CHST9: variants seen among roughly 807,000 people sequenced by gnomAD.
CHST9 encodes GalNAc-4-sulfotransferase 2.
In CHST9, 41 loss-of-function variants were observed where a neutral mutation model predicts 44.4. The ratio of observed to expected loss-of-function variants is 0.92; its 90% CI spans 0.72 to 1.20. The LOEUF (loss-of-function observed/expected upper bound fraction) is 1.20, where lower values mean the gene tolerates loss of function less well. CHST9 is among the 50% of genes most tolerant of loss of function. The pLI is 0.00. For missense variants in CHST9, 504 were observed against 516.5 expected, an observed-to-expected ratio of 0.98 and a Z score of 0.23; for synonymous variants, 171 against 178.4, an observed-to-expected ratio of 0.96 and a Z score of 0.33.
At chr18:27,053,285 GGA>G (rs2057608266) in intron 2 of CHST9, among the ~76,000 whole-genome samples, 1 of 135,252 alleles carries the variant, frequency 7.4e-6, no homozygotes. Flanking sequence ...AGAAGGAGAA[GGA>G]GAAGGAGAAG....
At chr18:27,182,881 G>T (rs1308842080) in intron 1 of CHST9, among the ~76,000 whole-genome samples, 1 of 152,074 alleles carries the variant, frequency 6.6e-6, no homozygotes, top group Non-Finnish European at 1.5e-5. Context: ...TATTTCTTAG[G>T]TTTACTGAAT....
At chr18:27,109,634 G>A (rs370802368) in intron 2 of CHST9, among the ~76,000 whole-genome samples, 1 of 152,208 alleles carries the variant, frequency 6.6e-6, no homozygotes, top group Non-Finnish European at 1.5e-5. Flanking sequence ...CGCACTGACT[G>A]CTCTAGTGCC....
At chr18:27,127,977 T>C (rs2058439602) in intron 2 of CHST9, among the ~76,000 whole-genome samples, 1 of 151,834 alleles carries the variant, frequency 6.6e-6, no homozygotes, top group Admixed American at 6.6e-5. Flanking sequence ...GTGTTTGGAG[T>C]GTCAAGGAGA....
intron 4 of CHST9, among the ~76,000 whole-genome samples, chr18:26,953,711 C>A (rs2056282947): frequency 6.6e-6 from 1 of 152,152 alleles, no homozygotes; most frequent in Non-Finnish European, 1.5e-5. Context: ...ACTGTTTGAT[C>A]AGCTGTCAGG....
intron 2 of CHST9, among the ~76,000 whole-genome samples, chr18:27,133,409 G>C (rs748734609): frequency 4.6e-5 from 7 of 152,108 alleles, no homozygotes; most frequent in Non-Finnish European, 7.4e-5. Flanking sequence ...AAAAGCAGGG[G>C]ACAGCACGTA....
intron 2 of CHST9, among the ~76,000 whole-genome samples, chr18:27,113,630 G>T (rs1012722842): frequency 2.6e-5 from 4 of 152,046 alleles, no homozygotes; most frequent in Admixed American, 2.6e-4. Context: ...ACCATGTAAA[G>T]ACACAGCAAG....
At chr18:27,033,599 C>T (rs2057362615) in intron 3 of CHST9, among the ~76,000 whole-genome samples, 1 of 152,202 alleles carries the variant, frequency 6.6e-6, no homozygotes, top group Non-Finnish European at 1.5e-5. Context: ...TGCTCACCAG[C>T]ATGACACACA....
intron 3 of CHST9, 27 bp downstream of exon 3, chr18:27,048,438 G>T: frequency 6.3e-7 from 1 of 1,577,388 alleles, no homozygotes; most frequent in Non-Finnish European, 8.6e-7. Flanking sequence ...AGGAAATAAA[G>T]CTGGAGCCCA....
At chr18:27,134,248 C>T (rs1210003760) in intron 2 of CHST9, among the ~76,000 whole-genome samples, 1 of 151,864 alleles carries the variant, frequency 6.6e-6, no homozygotes, top group Non-Finnish European at 1.5e-5. Flanking sequence ...CAAAAATATG[C>T]TTCAATGTAG....
At chr18:26,962,293 CTT>C (rs71171604) in intron 4 of CHST9, among the ~76,000 whole-genome samples, 14 of 140,690 alleles carry the variant, frequency 1.0e-4, no homozygotes, top group Non-Finnish European at 1.1e-4. Context: ...TTATAGTCTC[CTT>C]TTTTTTTTTT....
intron 4 of CHST9, among the ~76,000 whole-genome samples, chr18:26,996,749 G>A (rs963420129): frequency 6.6e-6 from 1 of 152,180 alleles, no homozygotes; most frequent in Non-Finnish European, 1.5e-5. Flanking sequence ...CAGTGTGCAT[G>A]TATGTGAAAT....
chr18:27,083,959 T>C (rs2057984456), intron 2 of CHST9, among the ~76,000 whole-genome samples: 1 of 152,194 alleles, frequency 6.6e-6, no homozygotes, highest in Non-Finnish European at 1.5e-5. Context: ...TTTGTGGATG[T>C]TGAACTAACT....
intron 4 of CHST9, among the ~76,000 whole-genome samples, chr18:26,951,405 G>C (rs750305139): frequency 2.0e-5 from 3 of 152,102 alleles, no homozygotes; most frequent in Non-Finnish European, 2.9e-5. Context: ...CCTCTTTCAG[G>C]TAACAGGCCC....
chr18:27,116,086 T>C (rs2058317424), intron 2 of CHST9, among the ~76,000 whole-genome samples: 1 of 152,174 alleles, frequency 6.6e-6, no homozygotes, highest in Non-Finnish European at 1.5e-5. Context: ...ATCCTTTGGG[T>C]TGTCTTTTCA....
rs1221053908 is a variant in CHST9, at chr18:26,969,625, T to C, written c.203-25259A>G. 2.6e-5 allele frequency among the ~76,000 whole-genome samples: 4 copies of C among 151,892 alleles called. No individual in the cohort carries two copies. In the East Asian group the frequency reaches 7.7e-4, roughly 29 times the overall value. ...TTCTTGCTGAGCTTACATTAGAGAGTTGGGGAGGAGCATACAAACAATTAG... is the reference window on the plus strand; with the variant it reads ...TTCTTGCTGAGCTTACATTAGAGAGCTGGGGAGGAGCATACAAACAATTAG... On this transcript the variant is annotated intron_variant, in intron 4 of 5. Coordinates refer to ENST00000618847, the MANE Select transcript of CHST9 (RefSeq NM_031422.6).
chr18:27,001,324 G>A (rs2056950503), intron 4 of CHST9, among the ~76,000 whole-genome samples: 1 of 152,200 alleles, frequency 6.6e-6, no homozygotes, highest in African/African-American at 2.4e-5. Context: ...CCTTGGAAAA[G>A]AGGCATGACC....
At position 26,912,888 on chromosome 18, in the gene CHST9, T is replaced by C. The variant is rs1013936644; in HGVS notation, c.*3371A>G. Reference sequence around the variant, plus strand: ...CTAAGGTTCTCAGGTAGTTGAGCTATAATTAAACGCCTTTGGCCAATCCTT... The same window carrying C: ...CTAAGGTTCTCAGGTAGTTGAGCTACAATTAAACGCCTTTGGCCAATCCTT... On this transcript the variant is annotated 3_prime_UTR_variant, in exon 6 of 6. Transcript: ENST00000618847. The C allele has an allele frequency of 2.6e-5, 4 of 152,236 alleles. No individual in the cohort carries two copies. The highest frequency in any genetic ancestry group is 5.9e-5 in the Non-Finnish European group (4 of 68,040). The allele number at this position is 152,236 out of a possible 1,614,324, so 9.4% of individuals were successfully genotyped here. A position where few individuals can be genotyped will look rare whatever the true frequency, so the allele number is the denominator to read the frequency against.
chr18:26,952,330 C>A (rs1683474), intron 4 of CHST9: 6 of 508,806 alleles, frequency 1.2e-5, no homozygotes, highest in Admixed American at 9.9e-5. Flanking sequence ...ACTCCACCAA[C>A]TATGTCCTCA....
chr18:26,997,321 TATAAA>T (rs2056898073), intron 4 of CHST9, among the ~76,000 whole-genome samples: 1 of 152,238 alleles, frequency 6.6e-6, no homozygotes, highest in South Asian at 2.1e-4. Flanking sequence ...AATCCTGAGC[TATAAA>T]ATAAAATGCT....
Sources: allele counts gnomAD v4.1 joint callset (sites outside exome capture counted in the v4.1 genomes callset), GRCh38; gene constraint gnomAD v4.1.1; transcripts MANE v1.5; gene names NCBI Gene and HGNC (gene_info 2026-07-23, HGNC 2026-07-21).